DNM1L: variants seen among roughly 807,000 people sequenced by gnomAD.
DNM1L encodes the protein dynamin-1-like protein.
DNM1L carries 33 observed loss-of-function variants against 92.8 expected under a neutral mutation model. That is an observed-to-expected ratio of 0.36 (90% CI 0.27 to 0.48). DNM1L has a LOEUF of 0.48. Ranked by LOEUF, DNM1L falls within the 20% of genes least tolerant of loss-of-function variation. The pLI, the probability that DNM1L is intolerant of heterozygous loss-of-function variation, is 0.99. For synonymous variants in DNM1L, 284 were observed against 305.0 expected, an observed-to-expected ratio of 0.93 and a Z score of 0.72; for missense variants, 485 against 888.8, an observed-to-expected ratio of 0.55 and a Z score of 5.78.
At chr12:32,682,210 G>A (rs1329187064) in intron 1 of DNM1L, among the ~76,000 whole-genome samples, 2 of 151,610 alleles carry the variant, frequency 1.3e-5, no homozygotes, top group African/African-American at 4.9e-5. Flanking sequence ...TTGGTTCACT[G>A]CAACCTCTGC....
At chr12:32,740,649 C>A in intron 18 of DNM1L, 131 bp downstream of exon 18, 1 of 807,728 alleles carries the variant, frequency 1.2e-6, no homozygotes, top group Non-Finnish European at 2.0e-6. Flanking sequence ...TTCTGATAGT[C>A]CTTGGGTAAC....
At chr12:32,699,839 A>C (rs758033960) in intron 1 of DNM1L, among the ~76,000 whole-genome samples, 6 of 148,774 alleles carry the variant, frequency 4.0e-5, no homozygotes, top group Non-Finnish European at 5.9e-5. Flanking sequence ...TTTAATACTG[A>C]TGGAGCTGTA....
intron 5 of DNM1L, chr12:32,711,317 G>T: frequency 3.1e-6 from 1 of 323,078 alleles, no homozygotes; most frequent in South Asian, 3.7e-5. Flanking sequence ...GTTTTCTCTA[G>T]GTACACTTTC....
Position 32,683,881 on chromosome 12 carries a change from G to A in DNM1L, c.102+4416G>A, listed in dbSNP as rs150103770. On this transcript the variant is annotated intron_variant, in intron 1 of 19. Coordinates refer to ENST00000549701, the MANE Select transcript of DNM1L (RefSeq NM_012062.5). Reference sequence around the variant, plus strand: ...TTTAGTAGAGACAGCATTTTACAACGTTGGCCAGACTGGTCTCAAACTCCT... The same window carrying A: ...TTTAGTAGAGACAGCATTTTACAACATTGGCCAGACTGGTCTCAAACTCCT... Among the ~76,000 whole-genome samples the A allele has an allele frequency of 9.2e-3, 1,400 of 152,008 alleles. 15 individuals are homozygous for A. Among genetic ancestry groups the A allele is most frequent in the African/African-American group, 0.032 (1,323 of 41,460 alleles).
intron 1 of DNM1L, among the ~76,000 whole-genome samples, chr12:32,688,391 T>C (rs564282702): frequency 1.7e-4 from 26 of 152,348 alleles, no homozygotes; most frequent in African/African-American, 5.0e-4. Flanking sequence ...TTTATCTTAC[T>C]GCCTCTGGCT....
intron 6 of DNM1L, among the ~76,000 whole-genome samples, chr12:32,714,465 G>A (rs1953272355): frequency 6.6e-6 from 1 of 151,398 alleles, no homozygotes. Context: ...GTAGAGACGG[G>A]GTTTCACCGT....
chr12:32,712,552 A>T (rs1953169702), intron 5 of DNM1L, among the ~76,000 whole-genome samples: 1 of 142,922 alleles, frequency 7.0e-6, no homozygotes, highest in African/African-American at 2.6e-5. Context: ...TGGGAGGCTG[A>T]GGCAGGAGGA....
chr12:32,717,303 T>C (rs1196266561), intron 6 of DNM1L, among the ~76,000 whole-genome samples: 1 of 91,868 alleles, frequency 1.1e-5, no homozygotes, highest in Non-Finnish European at 2.0e-5. Flanking sequence ...ATTTTATATA[T>C]ACTATATATT....
Position 32,710,946 on chromosome 12 carries a change from A to C in DNM1L, c.387A>C (p.Pro129=), listed in dbSNP as rs1953101876. ...SGNNKGVSPE[P]IHLKIFSPNV... is the part of the protein sequence containing the mutation. ...ATTTTTAGGGAGTAAGCCCTGAACC[A>C]ATTCATCTTAAGATTTTTTCACCCA... The change falls in exon 5 of 20, where the codon CCA becomes CCC. Residue 129 remains proline, a synonymous_variant. Coordinates refer to ENST00000549701, the MANE Select transcript of DNM1L (RefSeq NM_012062.5). 6.2e-7 allele frequency: 1 copy of C among 1,613,822 alleles called. No individual in the cohort carries two copies. The highest frequency in any genetic ancestry group is 8.5e-7 in the Non-Finnish European group (1 of 1,179,828).
chr12:32,741,665 C>T (rs919046849), intron 18 of DNM1L, among the ~76,000 whole-genome samples: 5 of 152,178 alleles, frequency 3.3e-5, no homozygotes, highest in Admixed American at 3.3e-4. Context: ...AGTCAACAGA[C>T]CACGTATTTG....
rs1316868041 is a variant in DNM1L, at chr12:32,722,534, A to C, written c.980A>C (p.Asp327Ala). ...CTAAATAGCTACGGTGAACCCGTGG[A>C]TGATAAAAGTGCTACTTTACTCCAA... ...SLLNSYGEPV[D>A]DKSATLLQLI... Residue 327 changes from aspartate to alanine, a missense_variant, in exon 9 of 20, where the codon GAT becomes GCT. Asp to Ala is a moderately radical substitution (Grantham distance 126). Coordinates refer to ENST00000549701, the MANE Select transcript of DNM1L (RefSeq NM_012062.5). 6.2e-7 allele frequency: 1 copy of C among 1,613,394 alleles called. No individual in the cohort carries two copies. The highest frequency in any genetic ancestry group is 8.5e-7 in the Non-Finnish European group (1 of 1,179,978).
chr12:32,728,459 G>A (rs1272644002), intron 9 of DNM1L: 1 of 152,136 alleles, frequency 6.6e-6, no homozygotes, highest in African/African-American at 2.4e-5. Flanking sequence ...ACTTCTTATT[G>A]TTAGATATAA....
chr12:32,743,093 C>T (rs1473100967), intron 19 of DNM1L, among the ~76,000 whole-genome samples: 10 of 151,282 alleles, frequency 6.6e-5, no homozygotes. Flanking sequence ...GACGGGGTTT[C>T]ACCATGTTAG....
At chr12:32,728,783 C>CA (rs1186374580) in intron 9 of DNM1L, 1 of 152,074 alleles carries the variant, frequency 6.6e-6, no homozygotes, top group Non-Finnish European at 1.5e-5. Context: ...TGTCTAGGAA[C>CA]AAGACTGTAG....
At position 32,718,626 on chromosome 12, in the gene DNM1L, CT is replaced by C; in HGVS notation, c.620-12del. On this transcript the variant is annotated splice_polypyrimidine_tract_variant and intron_variant, in intron 6 of 19. Coordinates refer to ENST00000549701, the MANE Select transcript of DNM1L (RefSeq NM_012062.5). Reference sequence around the variant, plus strand: ...TTCTTTCTTTTCTTTGCCCTTTTTTCTTTTTGCATTTACCAGGTCGCAGAAC... The same window carrying C: ...TTCTTTCTTTTCTTTGCCCTTTTTTCTTTTGCATTTACCAGGTCGCAGAAC... 4.3e-6 allele frequency: 7 copies of C among 1,612,178 alleles called. No individual in the cohort carries two copies. The highest frequency in any genetic ancestry group is 5.9e-6 in the Non-Finnish European group (7 of 1,179,132).
At chr12:32,696,125 G>A (rs924875404) in intron 1 of DNM1L, among the ~76,000 whole-genome samples, 2 of 152,102 alleles carry the variant, frequency 1.3e-5, no homozygotes, top group Non-Finnish European at 2.9e-5. Flanking sequence ...ACCTAAGAAA[G>A]TGACACGGTA....
intron 18 of DNM1L, 127 bp downstream of exon 18, chr12:32,740,645 T>C (rs1955224380): frequency 9.4e-6 from 8 of 852,684 alleles, no homozygotes; most frequent in Middle Eastern, 3.5e-4. Flanking sequence ...GATTTTCTGA[T>C]AGTCCTTGGG....
At position 32,742,621 on chromosome 12, in the gene DNM1L, A is replaced by T; in HGVS notation, c.2027A>T (p.Asn676Ile). 6.2e-7 allele frequency: 1 copy of T among 1,614,136 alleles called. No homozygotes were observed. The highest frequency in any genetic ancestry group is 8.5e-7 in the Non-Finnish European group (1 of 1,180,014). The change falls in exon 19 of 20, where the codon AAT becomes ATT. Residue 676 changes from asparagine (N) to isoleucine (I), a missense_variant. This residue lies in a region of DNM1L where 133 missense variants were observed against 210.9 expected (regional missense o/e 0.63). Coordinates refer to ENST00000549701, the MANE Select transcript of DNM1L (RefSeq NM_012062.5). ...VPKAVMHFLV[N>I]HVKDTLQSEL... ...AAGGCAGTAATGCATTTTTTGGTTAATCATGTGAAAGACACTCTTCAGAGT... is the reference window on the plus strand; with the variant it reads ...AAGGCAGTAATGCATTTTTTGGTTATTCATGTGAAAGACACTCTTCAGAGT...
chr12:32,693,293 G>A (rs1285686883), intron 1 of DNM1L, among the ~76,000 whole-genome samples: 1 of 152,112 alleles, frequency 6.6e-6, no homozygotes, highest in Non-Finnish European at 1.5e-5. Context: ...TGTTTTGTGA[G>A]TTTTTGTTGA....
Sources: allele counts gnomAD v4.1 joint callset (sites outside exome capture counted in the v4.1 genomes callset), GRCh38; gene constraint gnomAD v4.1.1; regional missense constraint gnomAD v4.1.1; transcripts MANE v1.5; gene names NCBI Gene and HGNC (gene_info 2026-07-23, HGNC 2026-07-21).